SLC10A7: variants seen among roughly 807,000 people sequenced by gnomAD.
The protein encoded by SLC10A7 is sodium/bile acid cotransporter 7.
Under a neutral mutation model 43.2 loss-of-function variants are expected in SLC10A7, and 29 were observed. The ratio of observed to expected loss-of-function variants is 0.67; its 90% CI spans 0.50 to 0.92. SLC10A7 has a LOEUF of 0.92. Ranked by LOEUF, SLC10A7 falls within the 40% of genes least tolerant of loss-of-function variation. The pLI is 0.00. For missense variants in SLC10A7, 295 were observed against 403.2 expected (o/e 0.73, Z 2.30); for synonymous variants, 152 against 144.8 (o/e 1.05, Z -0.35).
At chr4:146,459,004 T>C (rs1732308905) in intron 4 of SLC10A7, among the ~76,000 whole-genome samples, 1 of 151,808 alleles carries the variant, frequency 6.6e-6, no homozygotes, top group South Asian at 2.1e-4. Context: ...TAGGAAAGTT[T>C]ATCAAAATTC....
chr4:146,507,560 AAAAAATAAAAAT>A (rs1192313175), intron 3 of SLC10A7, among the ~76,000 whole-genome samples: 2 of 152,090 alleles, frequency 1.3e-5, no homozygotes, highest in Non-Finnish European at 1.5e-5. Flanking sequence ...ACTCTGTCTC[AAAAAATAAAAAT>A]AAAAATAAAA....
intron 5 of SLC10A7, among the ~76,000 whole-genome samples, chr4:146,371,264 TTC>T (rs1193331975): frequency 5.3e-5 from 8 of 152,238 alleles, no homozygotes; most frequent in Non-Finnish European, 1.0e-4. Context: ...CTTCTTGTAC[TTC>T]ATTTTACTTG....
At chr4:146,389,282 C>T (rs924126545) in intron 5 of SLC10A7, among the ~76,000 whole-genome samples, 2 of 148,570 alleles carry the variant, frequency 1.3e-5, no homozygotes, top group African/African-American at 5.0e-5. Context: ...ATCCATGTAA[C>T]AAAACTCCAT....
intron 6 of SLC10A7, among the ~76,000 whole-genome samples, chr4:146,325,708 T>G (rs1250859744): frequency 6.6e-6 from 1 of 152,098 alleles, no homozygotes. Flanking sequence ...TGTCATGGGG[T>G]CATTTATTTG....
chr4:146,355,725 T>A (rs560579408), intron 5 of SLC10A7, among the ~76,000 whole-genome samples: 224 of 151,564 alleles, frequency 1.5e-3, no homozygotes, highest in African/African-American at 4.5e-3. Flanking sequence ...AATGATGAGT[T>A]CATGTCCTTT....
chr4:146,502,102 T>C (rs1178136588), intron 4 of SLC10A7, among the ~76,000 whole-genome samples: 2 of 152,148 alleles, frequency 1.3e-5, no homozygotes, highest in South Asian at 2.1e-4. Flanking sequence ...AGAGAGCTAA[T>C]AGACATTTCA....
At chr4:146,361,989 C>A (rs866558687) in intron 5 of SLC10A7, among the ~76,000 whole-genome samples, 1 of 151,878 alleles carries the variant, frequency 6.6e-6, no homozygotes, top group South Asian at 2.1e-4. Flanking sequence ...ATTGATCCAG[C>A]AGAAGCAAGA....
In SLC10A7 at chr4:146,254,923, C is replaced by T. The variant is rs1264091885; in HGVS notation, c.*1568G>A. On this transcript the variant is annotated 3_prime_UTR_variant, in exon 12 of 12. Transcript: ENST00000335472. ...GATCTGGCATTAGCCTTAAAATTCACACTGAGAATAACTCTTATGAAATTT... is the reference window on the plus strand; with the variant it reads ...GATCTGGCATTAGCCTTAAAATTCATACTGAGAATAACTCTTATGAAATTT... 6.6e-6 allele frequency: 1 copy of T among 152,180 alleles called. No individual in the cohort carries two copies. 9.4% of individuals were successfully genotyped at this position (152,180 alleles called of 1,614,324 possible).
intron 9 of SLC10A7, among the ~76,000 whole-genome samples, chr4:146,292,003 A>G (rs901051005): frequency 6.6e-6 from 1 of 152,220 alleles, no homozygotes; most frequent in Non-Finnish European, 1.5e-5. Context: ...AGGAAGGAGG[A>G]ACCAGGACAT....
chr4:146,488,733 T>G (rs771630964), intron 4 of SLC10A7, among the ~76,000 whole-genome samples: 9 of 152,160 alleles, frequency 5.9e-5, no homozygotes, highest in Non-Finnish European at 1.2e-4. Flanking sequence ...TGTTAAAGCT[T>G]AGACAAAGCA....
At chr4:146,321,506 C>G (rs964571989) in intron 6 of SLC10A7, among the ~76,000 whole-genome samples, 1 of 152,160 alleles carries the variant, frequency 6.6e-6, no homozygotes, top group Non-Finnish European at 1.5e-5. Flanking sequence ...TTCTGATATA[C>G]TTGGAGTCAA....
intron 4 of SLC10A7, among the ~76,000 whole-genome samples, chr4:146,470,991 T>C (rs1467693428): frequency 6.6e-6 from 1 of 152,240 alleles, no homozygotes; most frequent in East Asian, 1.9e-4. Context: ...ACAGCCCAAC[T>C]ATATATTGTC....
At chr4:146,305,849 C>G in intron 7 of SLC10A7, 77 bp downstream of exon 7, 1 of 1,275,344 alleles carries the variant, frequency 7.8e-7, no homozygotes, top group Non-Finnish European at 1.1e-6. Context: ...TATCCTTTCT[C>G]TCAACTGCTC....
chr4:146,271,172 C>A (rs1302903430), intron 10 of SLC10A7, among the ~76,000 whole-genome samples: 1 of 152,168 alleles, frequency 6.6e-6, no homozygotes, highest in Non-Finnish European at 1.5e-5. Context: ...CCATAGCCTG[C>A]AAACTTCAGC....
chr4:146,446,627 G>A lies in SLC10A7; in HGVS notation c.397-3806C>T, dbSNP rs146604962. On this transcript the variant is annotated intron_variant, in intron 4 of 11. Transcript: ENST00000335472. ...ATGACCTACTTACATGCCTCTCTCC[G>A]CTGGTCATCTAAGATAGGAATCTAA... 5.1e-3 allele frequency among the ~76,000 whole-genome samples: 772 copies of A among 150,254 alleles called. 7 individuals are homozygous for A. The highest frequency in any genetic ancestry group is 0.018 in the African/African-American group (748 of 40,912).
chr4:146,427,762 A>G (rs552652606), intron 5 of SLC10A7, among the ~76,000 whole-genome samples: 9 of 152,374 alleles, frequency 5.9e-5, no homozygotes, highest in Non-Finnish European at 1.3e-4. Context: ...GAAAAGATTG[A>G]CAAATCTGTC....
intron 10 of SLC10A7, 94 bp downstream of exon 10, chr4:146,283,098 T>C: frequency 1.0e-6 from 1 of 981,040 alleles, no homozygotes; most frequent in Non-Finnish European, 1.6e-6. Context: ...CAACACCCCA[T>C]TCCATTTAAT....
chr4:146,492,416 G>A (rs886425267), intron 4 of SLC10A7, among the ~76,000 whole-genome samples: 1 of 151,960 alleles, frequency 6.6e-6, no homozygotes, highest in Non-Finnish European at 1.5e-5. Context: ...CCCCCAGGCT[G>A]GAGTGTGTTG....
intron 1 of SLC10A7, among the ~76,000 whole-genome samples, chr4:146,518,530 TC>T (rs1401612300): frequency 6.6e-6 from 1 of 152,140 alleles, no homozygotes; most frequent in Non-Finnish European, 1.5e-5. Context: ...TATTCAGTCT[TC>T]TTGTACTAGA....
Sources: allele counts gnomAD v4.1 joint callset (sites outside exome capture counted in the v4.1 genomes callset), GRCh38; gene constraint gnomAD v4.1.1; transcripts MANE v1.5; gene names NCBI Gene and HGNC (gene_info 2026-07-23, HGNC 2026-07-21).